DLG2: variants seen among roughly 807,000 people sequenced by gnomAD.
DLG2 encodes the protein discs large MAGUK scaffold protein 2, also known as disks large homolog 2.
DLG2 carries 45 observed loss-of-function variants against 132.5 expected under a neutral mutation model. The ratio of observed to expected loss-of-function variants is 0.34; its 90% CI spans 0.27 to 0.44. The LOEUF is 0.44. Ranked by LOEUF, DLG2 falls within the 20% of genes least tolerant of loss-of-function variation. DLG2 has a pLI of 1.00. For missense variants in DLG2, 1,045 were observed against 1,196.9 expected, an observed-to-expected ratio of 0.87 and a Z score of 1.87; for synonymous variants, 424 against 419.6, an observed-to-expected ratio of 1.01 and a Z score of -0.13.
At chr11:83,821,387 A>G (rs561730495) in intron 17 of DLG2, among the ~76,000 whole-genome samples, 1 of 152,312 alleles carries the variant, frequency 6.6e-6, no homozygotes, top group Admixed American at 6.5e-5. Flanking sequence ...AGAAGATAAG[A>G]TGATACTTGG....
Position 83,715,975 on chromosome 11 carries a change from T to C in DLG2, c.1825+70715A>G, listed in dbSNP as rs1226311497. Among the ~76,000 whole-genome samples, 5 of 152,340 alleles carry C rather than the reference T, an allele frequency of 3.3e-5. No homozygotes were observed. In the East Asian group the frequency reaches 7.7e-4, roughly 23 times the overall value. On this transcript the variant is annotated intron_variant, in intron 18 of 27. Coordinates refer to ENST00000376104, the MANE Select transcript of DLG2 (RefSeq NM_001142699.3). ...CACCTAGGAGCCTATAAGACTCCCA[T>C]AGTATTGATTACATTGATTATATTG...
chr11:85,477,589 T>G (rs1190652260), intron 3 of DLG2, among the ~76,000 whole-genome samples: 2 of 152,244 alleles, frequency 1.3e-5, no homozygotes, highest in African/African-American at 4.8e-5. Flanking sequence ...GAGTTACTTG[T>G]GTTAAATTGC....
intron 6 of DLG2, among the ~76,000 whole-genome samples, chr11:84,719,426 C>T (rs2061558738): frequency 6.6e-6 from 1 of 152,154 alleles, no homozygotes; most frequent in Non-Finnish European, 1.5e-5. Context: ...CTGGACAAAT[C>T]CACTGGCTTT....
intron 17 of DLG2, chr11:83,791,389 C>T: frequency 4.5e-6 from 3 of 673,146 alleles, no homozygotes; most frequent in Non-Finnish European, 8.1e-6. Context: ...TTTTTCTTTT[C>T]CACCTTTTTC....
chr11:83,611,846 T>A (rs1427485131), intron 19 of DLG2, among the ~76,000 whole-genome samples: 1 of 152,216 alleles, frequency 6.6e-6, no homozygotes, highest in Non-Finnish European at 1.5e-5. Flanking sequence ...ATTTAATAGC[T>A]ATTCAAAGAT....
intron 6 of DLG2, among the ~76,000 whole-genome samples, chr11:84,612,503 T>C (rs1301192460): frequency 6.6e-6 from 1 of 152,128 alleles, no homozygotes; most frequent in African/African-American, 2.4e-5. Flanking sequence ...TGGCTAGCAA[T>C]GTGGAAAGTG....
intron 18 of DLG2, among the ~76,000 whole-genome samples, chr11:83,671,741 T>C (rs1408661486): frequency 6.6e-6 from 1 of 152,224 alleles, no homozygotes; most frequent in African/African-American, 2.4e-5. Flanking sequence ...TCCATGCCTA[T>C]GTCAGCGTGT....
At chr11:85,346,241 G>A (rs547628027) in intron 3 of DLG2, among the ~76,000 whole-genome samples, 82 of 151,268 alleles carry the variant, frequency 5.4e-4, no homozygotes, top group Middle Eastern at 3.2e-3. Context: ...AGGCTGGAGT[G>A]CAGTGGCGCT....
intron 6 of DLG2, among the ~76,000 whole-genome samples, chr11:84,980,396 G>C (rs1420653454): frequency 6.6e-6 from 1 of 151,996 alleles, no homozygotes; most frequent in African/African-American, 2.4e-5. Flanking sequence ...GCCTGTATGA[G>C]GGTACTTTCT....
At chr11:84,877,765 C>T (rs889970187) in intron 6 of DLG2, among the ~76,000 whole-genome samples, 2 of 152,030 alleles carry the variant, frequency 1.3e-5, no homozygotes, top group Non-Finnish European at 2.9e-5. Flanking sequence ...AAACTGTCAT[C>T]AGAGTGAACA....
At chr11:83,562,419 G>T (rs1198022148) in intron 19 of DLG2, among the ~76,000 whole-genome samples, 1 of 152,020 alleles carries the variant, frequency 6.6e-6, no homozygotes, top group Non-Finnish European at 1.5e-5. Context: ...GGGTGGGGGG[G>T]TACCATTTAC....
chr11:83,713,948 A>T (rs541901670), intron 18 of DLG2, among the ~76,000 whole-genome samples: 1 of 152,164 alleles, frequency 6.6e-6, no homozygotes, highest in East Asian at 1.9e-4. Flanking sequence ...TGGATGATTC[A>T]TCTCTAGAGT....
intron 3 of DLG2, among the ~76,000 whole-genome samples, chr11:85,536,776 C>A (rs1206452479): frequency 6.6e-6 from 1 of 152,238 alleles, no homozygotes; most frequent in Non-Finnish European, 1.5e-5. Context: ...GACCGCCATT[C>A]CCTTTTCACG....
At chr11:83,806,588 AT>A (rs1483649674) in intron 17 of DLG2, among the ~76,000 whole-genome samples, 2 of 152,190 alleles carry the variant, frequency 1.3e-5, no homozygotes, top group Non-Finnish European at 2.9e-5. Flanking sequence ...TTTTTAATGA[AT>A]AAATATCAAT....
chr11:84,510,443 A>C (rs2099254097), intron 7 of DLG2, among the ~76,000 whole-genome samples: 1 of 152,148 alleles, frequency 6.6e-6, no homozygotes, highest in African/African-American at 2.4e-5. Context: ...TTGGCTCCAA[A>C]TTACACTAAA....
chr11:84,169,058 T>A (rs2154267578), intron 8 of DLG2, among the ~76,000 whole-genome samples: 1 of 152,316 alleles, frequency 6.6e-6, no homozygotes, highest in South Asian at 2.1e-4. Context: ...CCAACATTTT[T>A]GATGAGTGCG....
intron 15 of DLG2, among the ~76,000 whole-genome samples, chr11:83,914,425 G>A (rs1336812915): frequency 2.0e-5 from 3 of 152,014 alleles, no homozygotes; most frequent in African/African-American, 4.8e-5. Flanking sequence ...TTATAGCAAC[G>A]CAAATGGACC....
intron 6 of DLG2, among the ~76,000 whole-genome samples, chr11:84,830,958 AC>A (rs147369970): frequency 8.0e-4 from 64 of 80,140 alleles, no homozygotes; most frequent in Admixed American, 2.3e-3. Context: ...TCCTCCCCCC[AC>A]CCCCCCCAGC....
intron 6 of DLG2, among the ~76,000 whole-genome samples, chr11:85,104,783 G>C (rs539049413): frequency 7.0e-6 from 1 of 143,532 alleles, no homozygotes. Flanking sequence ...AACAATAAGA[G>C]CACAAACAAA....
Sources: gnomAD v4.1 joint callset for allele counts (sites outside exome capture counted in the v4.1 genomes callset) on GRCh38, gnomAD v4.1.1 for gene constraint, MANE v1.5 for transcripts, NCBI Gene and HGNC (gene_info 2026-07-23, HGNC 2026-07-21) for gene names.